COA8: variants seen among roughly 807,000 people sequenced by gnomAD.
The protein encoded by COA8 is UPF0671 protein C14orf153.
Under a neutral mutation model 22.0 loss-of-function variants are expected in COA8, and 20 were observed. The observed-to-expected ratio is 0.91, with a 90% confidence interval of 0.64 to 1.32. The LOEUF is 1.32. Ranked by LOEUF, COA8 falls within the 40% of genes most tolerant of loss-of-function variation. COA8 has a pLI of 0.00. For synonymous variants in COA8, 105 were observed against 79.9 expected, an observed-to-expected ratio of 1.31 and a Z score of -1.68; for missense variants, 266 against 230.0, an observed-to-expected ratio of 1.16 and a Z score of -1.01.
intron 1 of COA8, among the ~76,000 whole-genome samples, chr14:103,568,563 A>G (rs888310357): frequency 1.6e-5 from 2 of 122,230 alleles, no homozygotes; most frequent in African/African-American, 6.0e-5. Flanking sequence ...ATATACACAC[A>G]TATATACGTG....
chr14:103,568,621 G>GTA (rs57741003), intron 1 of COA8, among the ~76,000 whole-genome samples: 1,626 of 141,816 alleles, frequency 0.011, 18 homozygotes, highest in African/African-American at 0.027. Flanking sequence ...ATGTGTGTGT[G>GTA]TATATATATA....
intron 1 of COA8, among the ~76,000 whole-genome samples, chr14:103,568,393 C>G (rs1170162877): frequency 2.0e-5 from 3 of 151,612 alleles, no homozygotes; most frequent in Non-Finnish European, 4.4e-5. Flanking sequence ...GTAGGGCTCT[C>G]CAGCCTGCCA....
chr14:103,563,281 C>G, intron 1 of COA8, 157 bp downstream of exon 1: 1 of 1,001,282 alleles, frequency 1.0e-6, no homozygotes, highest in Non-Finnish European at 1.5e-6. Context: ...CCCGAGGCTC[C>G]CGCATCAACG....
At chr14:103,582,591 C>T (rs185958604) in intron 3 of COA8, among the ~76,000 whole-genome samples, 21 of 152,252 alleles carry the variant, frequency 1.4e-4, no homozygotes, top group East Asian at 7.7e-4. Flanking sequence ...CCAGTTCCTC[C>T]GCAGAACCTG....
chr14:103,582,753 T>TTTTTTTG (rs2076277852), intron 3 of COA8, among the ~76,000 whole-genome samples: 1 of 150,856 alleles, frequency 6.6e-6, no homozygotes. Context: ...TTTTTTTTTT[T>TTTTTTTG]GAGATGGAGT....
chr14:103,585,777 T>C (rs981442520), intron 3 of COA8, among the ~76,000 whole-genome samples: 15 of 151,858 alleles, frequency 9.9e-5, no homozygotes, highest in Middle Eastern at 3.4e-3. Context: ...GGTTTCACCA[T>C]GTTGGCCAGG....
At chr14:103,575,832 T>C (rs2076226047) in intron 3 of COA8, among the ~76,000 whole-genome samples, 1 of 152,074 alleles carries the variant, frequency 6.6e-6, no homozygotes. Flanking sequence ...CCCAAGTAGC[T>C]AGGACTGCAG....
intron 3 of COA8, chr14:103,579,606 C>A (rs2076252305): frequency 6.6e-6 from 1 of 151,958 alleles, no homozygotes; most frequent in Admixed American, 6.6e-5. Flanking sequence ...ACCTCGGCCT[C>A]CCAAAGTTCT....
At chr14:103,583,987 A>G (rs1015138053) in intron 3 of COA8, among the ~76,000 whole-genome samples, 10 of 152,248 alleles carry the variant, frequency 6.6e-5, no homozygotes, top group Non-Finnish European at 8.8e-5. Flanking sequence ...GTATGGGGGC[A>G]TGCGGAGCCC....
At chr14:103,568,058 T>G (rs2076148035) in intron 1 of COA8, among the ~76,000 whole-genome samples, 1 of 152,186 alleles carries the variant, frequency 6.6e-6, no homozygotes, top group Non-Finnish European at 1.5e-5. Flanking sequence ...AATATGAAGT[T>G]CCTGACTCCT....
intron 1 of COA8, among the ~76,000 whole-genome samples, chr14:103,563,645 C>G (rs879945098): frequency 2.2e-4 from 33 of 152,186 alleles, no homozygotes; most frequent in Non-Finnish European, 4.3e-4. Flanking sequence ...GCAAGAATGT[C>G]TGTGGCAAGC....
chr14:103,585,720 C>T (rs35229468), intron 3 of COA8, among the ~76,000 whole-genome samples: 37,338 of 147,278 alleles, frequency 0.25, 5,160 homozygotes, highest in East Asian at 0.36. Flanking sequence ...GGACTACAGA[C>T]GCACGCCACT....
chr14:103,568,483 A>G (rs1350885241), intron 1 of COA8, among the ~76,000 whole-genome samples: 1 of 151,904 alleles, frequency 6.6e-6, no homozygotes, highest in Non-Finnish European at 1.5e-5. Flanking sequence ...ACACATATAT[A>G]CACACATATA....
At chr14:103,587,130 C>G in intron 3 of COA8, 144 bp from the exon 4 acceptor site, 1 of 537,414 alleles carries the variant, frequency 1.9e-6, no homozygotes, top group Non-Finnish European at 3.4e-6. Flanking sequence ...CTGTTCATTG[C>G]TAGTGTATAG....
rs1383304323 is a variant in COA8, at chr14:103,563,637, A to G, written c.123+513A>G. Among the ~76,000 whole-genome samples, 6 of 152,356 alleles carry G rather than the reference A, an allele frequency of 3.9e-5. No individual in the cohort carries two copies. In the East Asian group the frequency reaches 1.2e-3, roughly 29 times the overall value. ...AAGATCCGCAAAGAATGTCTGTAGC[A>G]AGAATGTCTGTGGCAAGCAATTTTT... On this transcript the variant is annotated intron_variant, in intron 1 of 4. Coordinates refer to ENST00000409074, the MANE Select transcript of COA8 (RefSeq NM_001370595.2).
intron 3 of COA8, among the ~76,000 whole-genome samples, chr14:103,575,151 C>A (rs534708274): frequency 6.6e-6 from 1 of 152,240 alleles, no homozygotes; most frequent in Non-Finnish European, 1.5e-5. Context: ...TGTGTGCGTA[C>A]GTGCACGTGT....
chr14:103,578,347 C>T (rs899654899), intron 3 of COA8, among the ~76,000 whole-genome samples: 10 of 152,106 alleles, frequency 6.6e-5, no homozygotes, highest in East Asian at 3.8e-4. Context: ...TGGCCTTCAC[C>T]GGAATATTCT....
chr14:103,587,236 C>A, intron 3 of COA8, 38 bp from the exon 4 acceptor site: 1 of 1,565,970 alleles, frequency 6.4e-7, no homozygotes, highest in Non-Finnish European at 8.8e-7. Context: ...TATCCTTTCT[C>A]CTTAAGTCTT....
intron 1 of COA8, 138 bp downstream of exon 1, chr14:103,563,262 T>A: frequency 8.4e-7 from 1 of 1,195,486 alleles, no homozygotes; most frequent in Non-Finnish European, 1.2e-6. Context: ...TCCCGAACAG[T>A]CCCGCAGCCC....
Sources: gnomAD v4.1 joint callset for allele counts (sites outside exome capture counted in the v4.1 genomes callset) on GRCh38, gnomAD v4.1.1 for gene constraint, MANE v1.5 for transcripts, NCBI Gene and HGNC (gene_info 2026-07-23, HGNC 2026-07-21) for gene names.